The following EYS variants were observed in gnomAD, a reference collection of about 807,000 sequenced individuals.
The protein encoded by EYS is EGF-like photoreceptor maintenance factor.
Under a neutral mutation model 282.1 loss-of-function variants are expected in EYS, and 250 were observed. That is an observed-to-expected ratio of 0.89 (90% CI 0.80 to 0.98). The LOEUF (loss-of-function observed/expected upper bound fraction) is 0.98, where lower values mean the gene tolerates loss of function less well. EYS is among the 50% of genes least tolerant of loss of function. The pLI is 0.00. For synonymous variants in EYS, 1,355 were observed against 1,282.9 expected, an observed-to-expected ratio of 1.06 and a Z score of -1.20; for missense variants, 4,016 against 3,709.0, an observed-to-expected ratio of 1.08 and a Z score of -2.15.
At chr6:63,991,069 T>C (rs1032263336) in intron 34 of EYS, among the ~76,000 whole-genome samples, 25 of 151,678 alleles carry the variant, frequency 1.6e-4, no homozygotes, top group Admixed American at 1.4e-3. Flanking sequence ...TTGTGGCAGA[T>C]CCAGAGAACC....
At chr6:63,752,646 C>T (rs1769367789) in intron 41 of EYS, among the ~76,000 whole-genome samples, 1 of 151,958 alleles carries the variant, frequency 6.6e-6, no homozygotes, top group Admixed American at 6.6e-5. Context: ...GCACCCACCA[C>T]CATGCCTGGC....
At chr6:63,942,373 T>A (rs549681489) in intron 35 of EYS, among the ~76,000 whole-genome samples, 1 of 152,138 alleles carries the variant, frequency 6.6e-6, no homozygotes, top group East Asian at 1.9e-4. Context: ...ATTATGGATA[T>A]GGCAAAAAAG....
chr6:64,455,369 T>C (rs755882669), intron 26 of EYS, among the ~76,000 whole-genome samples: 20 of 152,154 alleles, frequency 1.3e-4, no homozygotes, highest in Non-Finnish European at 2.2e-4. Context: ...TTTTCTTGTT[T>C]TGATTTTTCA....
chr6:63,873,351 C>A (rs528580506), intron 35 of EYS, among the ~76,000 whole-genome samples: 4 of 152,276 alleles, frequency 2.6e-5, no homozygotes, highest in African/African-American at 4.8e-5. Flanking sequence ...TTTATGGCTG[C>A]ATAGTATTCC....
At chr6:64,997,050 C>G (rs924795126) in intron 14 of EYS, among the ~76,000 whole-genome samples, 1 of 152,098 alleles carries the variant, frequency 6.6e-6, no homozygotes, top group African/African-American at 2.4e-5. Flanking sequence ...AATTGCCAAC[C>G]ATGTCACAGA....
intron 31 of EYS, among the ~76,000 whole-genome samples, chr6:64,133,476 T>TCA (rs61088369): frequency 0.27 from 38,817 of 142,204 alleles, 5,080 homozygotes; most frequent in East Asian, 0.37. Context: ...TTGCATTACT[T>TCA]CACACACACA....
chr6:64,586,922 A>G (rs543475692), intron 26 of EYS, among the ~76,000 whole-genome samples: 1 of 152,234 alleles, frequency 6.6e-6, no homozygotes, highest in Admixed American at 6.6e-5. Flanking sequence ...ATATTGCTGT[A>G]GGAAAAGAAT....
At chr6:63,879,397 G>A (rs991998306) in intron 35 of EYS, among the ~76,000 whole-genome samples, 58 of 152,230 alleles carry the variant, frequency 3.8e-4, no homozygotes, top group African/African-American at 1.3e-3. Context: ...GGTGGAGAGA[G>A]GGAGAGGCTA....
chr6:64,572,694 C>A (rs1476261568), intron 26 of EYS, among the ~76,000 whole-genome samples: 1 of 152,040 alleles, frequency 6.6e-6, no homozygotes, highest in Non-Finnish European at 1.5e-5. Context: ...TAATAAAATA[C>A]CTAGGAATCC....
chr6:65,530,940 C>A (rs1451686179), intron 2 of EYS, among the ~76,000 whole-genome samples: 3 of 151,966 alleles, frequency 2.0e-5, no homozygotes, highest in Non-Finnish European at 2.9e-5. Context: ...ATCTAAATTG[C>A]CTACAAAATT....
chr6:64,445,920 G>A (rs1047919746), intron 26 of EYS, among the ~76,000 whole-genome samples: 3 of 151,722 alleles, frequency 2.0e-5, no homozygotes, highest in African/African-American at 7.3e-5. Flanking sequence ...CTGTTAGGAG[G>A]AAAACCTCAA....
intron 2 of EYS, among the ~76,000 whole-genome samples, chr6:65,544,084 C>A (rs567879418): frequency 6.6e-6 from 1 of 151,560 alleles, no homozygotes. Context: ...TCTTTACAGA[C>A]CCTATATGGA....
chr6:64,904,943 A>G (rs1018740210), intron 16 of EYS, among the ~76,000 whole-genome samples: 32 of 152,218 alleles, frequency 2.1e-4, no homozygotes, highest in African/African-American at 7.2e-4. Flanking sequence ...AGAAAACATA[A>G]CATGTGGATT....
intron 31 of EYS, among the ~76,000 whole-genome samples, chr6:64,135,809 G>A (rs958306135): frequency 1.3e-5 from 2 of 152,098 alleles, no homozygotes; most frequent in Non-Finnish European, 2.9e-5. Flanking sequence ...GATCATCTGA[G>A]CCTTTAGTGA....
chr6:63,974,804 CGAA>C (rs1167482982), intron 35 of EYS, among the ~76,000 whole-genome samples: 1 of 151,820 alleles, frequency 6.6e-6, no homozygotes, highest in African/African-American at 2.4e-5. Flanking sequence ...ACTTATTTGC[CGAA>C]GATCTATCAA....
chr6:65,535,343 T>C (rs2127313823), intron 2 of EYS, among the ~76,000 whole-genome samples: 1 of 152,198 alleles, frequency 6.6e-6, no homozygotes, highest in Non-Finnish European at 1.5e-5. Flanking sequence ...TGGGAGGTAA[T>C]TGAATCATGG....
At chr6:64,988,703 G>A (rs796402424) in intron 14 of EYS, among the ~76,000 whole-genome samples, 35 of 151,668 alleles carry the variant, frequency 2.3e-4, no homozygotes, top group African/African-American at 8.0e-4. Flanking sequence ...AGTGGTTAAA[G>A]TAAATAATTA....
rs1445255567 is a variant in EYS at position 64,221,228 on chromosome 6, CAT to C, written c.6424+9362_6424+9363del. On this transcript the variant is annotated intron_variant, in intron 31 of 42. Coordinates refer to ENST00000503581, the MANE Select transcript of EYS (RefSeq NM_001142800.2). ...ATGGTTTGAATGTGCACCCCCAAAACATGTGTTGGAAACTTACTCCTCAGTGC... is the reference window on the plus strand; with the variant it reads ...ATGGTTTGAATGTGCACCCCCAAAACGTGTTGGAAACTTACTCCTCAGTGC... 4.6e-5 allele frequency among the ~76,000 whole-genome samples: 7 copies of C among 152,220 alleles called. No homozygotes were observed. The South Asian group carries it at 6.2e-4, about 14-fold the overall frequency.
chr6:64,350,257 T>A (rs781469077), intron 29 of EYS, among the ~76,000 whole-genome samples: 32 of 151,644 alleles, frequency 2.1e-4, no homozygotes, highest in Admixed American at 5.9e-4. Flanking sequence ...AATAAATATG[T>A]TTTAGAATAT....
Sources: allele counts gnomAD v4.1 joint callset (sites outside exome capture counted in the v4.1 genomes callset), GRCh38; gene constraint gnomAD v4.1.1; transcripts MANE v1.5; gene names NCBI Gene and HGNC (gene_info 2026-07-23, HGNC 2026-07-21).